Variants in SYNE1 observed in about 807,000 individuals in gnomAD.
SYNE1 encodes the protein nesprin-1.
A neutral mutation model predicts 1,111.0 loss-of-function variants in SYNE1; 616 were observed. The ratio of observed to expected loss-of-function variants is 0.55; its 90% CI spans 0.52 to 0.59. The LOEUF (loss-of-function observed/expected upper bound fraction) is 0.59. Ranked by LOEUF, SYNE1 falls within the 20% of genes least tolerant of loss-of-function variation. SYNE1 has a pLI of 0.00. For synonymous variants in SYNE1, 3,855 were observed against 3,825.8 expected (o/e 1.01, Z -0.28); for missense variants, 10,006 against 10,417.0 (o/e 0.96, Z 1.72).
intron 5 of SYNE1, among the ~76,000 whole-genome samples, chr6:152,524,818 A>G (rs1203185992): frequency 1.3e-5 from 2 of 152,140 alleles, no homozygotes; most frequent in Admixed American, 1.3e-4. Context: ...ACTCTATAAG[A>G]CATGTGTAAA....
intron 93 of SYNE1, 40 bp from the exon 94 acceptor site, chr6:152,294,167 CAA>C: frequency 3.1e-6 from 5 of 1,606,790 alleles, no homozygotes; most frequent in Non-Finnish European, 4.2e-6. Flanking sequence ...AACAAAAAGA[CAA>C]AGTCTAGATT....
At chr6:152,428,709 A>G (rs543110687) in intron 36 of SYNE1, among the ~76,000 whole-genome samples, 1 of 152,300 alleles carries the variant, frequency 6.6e-6, no homozygotes, top group South Asian at 2.1e-4. Context: ...ACTTTTACAA[A>G]TTATATGAAT....
intron 130 of SYNE1, among the ~76,000 whole-genome samples, chr6:152,164,614 A>G (rs879197269): frequency 6.6e-6 from 1 of 152,176 alleles, no homozygotes; most frequent in Admixed American, 6.6e-5. Flanking sequence ...GAAGTTTGGG[A>G]AGAACCACAG....
rs2081018426 is a variant in SYNE1, at chr6:152,224,581, G to A, written c.21435C>T (p.Tyr7145=). 1 of 1,613,848 alleles carries A rather than the reference G, an allele frequency of 6.2e-7. No individual in the cohort carries two copies. Among genetic ancestry groups the A allele is most frequent in the Admixed American group, 1.7e-5 (1 of 59,976 alleles). Residue 7145 remains tyrosine, a synonymous_variant, in exon 117 of 146, where the codon TAC becomes TAT. Coordinates refer to ENST00000367255, the MANE Select transcript of SYNE1 (RefSeq NM_182961.4). ...AAAGAGAGTATCTGGCCTCCATGAG[G>A]TAACTGTTTATCTTGTCAAAGGCCA... The part of the protein sequence containing the change: ...HKVAFDKINS[Y]LMEARYSLSR...
rs150539375 is a variant in SYNE1, at chr6:152,202,166, G to A, written c.23020-217C>T. Among the ~76,000 whole-genome samples, 1,096 of 151,986 alleles carry A rather than the reference G, an allele frequency of 7.2e-3. 20 individuals are homozygous for A. Among genetic ancestry groups the A allele is most frequent in the African/African-American group, 0.025 (1,032 of 41,456 alleles). On this transcript the variant is annotated intron_variant, in intron 126 of 145. Coordinates refer to ENST00000367255, the MANE Select transcript of SYNE1 (RefSeq NM_182961.4). ...GTTTGTAACCAGTCTGGCCAACATG[G>A]TGAAACCTTGTCTCTACTAAAAACA...
intron 74 of SYNE1, among the ~76,000 whole-genome samples, chr6:152,340,830 C>T (rs913812888): frequency 6.6e-6 from 1 of 152,186 alleles, no homozygotes; most frequent in Non-Finnish European, 1.5e-5. Context: ...GGGTGGCAGG[C>T]AGCTATGGTG....
intron 3 of SYNE1, among the ~76,000 whole-genome samples, chr6:152,596,631 G>T (rs1326961360): frequency 6.6e-6 from 1 of 152,122 alleles, no homozygotes; most frequent in African/African-American, 2.4e-5. Context: ...TGGTGACTGG[G>T]AGTGTTCACT....
intron 100 of SYNE1, 112 bp from the exon 101 acceptor site, chr6:152,262,300 G>T: frequency 1.0e-6 from 1 of 975,540 alleles, no homozygotes; most frequent in Non-Finnish European, 1.6e-6. Context: ...GATTACCTTA[G>T]TTATTAGCTT....
rs1375616959 is a variant in SYNE1 at position 152,407,717 on chromosome 6, A to G, written c.6541-521T>C. Among the ~76,000 whole-genome samples the G allele has an allele frequency of 2.0e-5, 3 of 152,084 alleles. No individual in the cohort carries two copies. In the East Asian group the frequency reaches 5.8e-4, roughly 29 times the overall value. On this transcript the variant is annotated intron_variant, in intron 44 of 145. Transcript: ENST00000367255. ...GATATGCACTAAAATCCCAAAAGCT[A>G]TAAATAAAACAAAAATAGCATGTTA...
intron 14 of SYNE1, 89 bp from the exon 15 acceptor site, chr6:152,472,502 C>A: frequency 8.5e-7 from 1 of 1,176,694 alleles, no homozygotes; most frequent in Non-Finnish European, 1.2e-6. Context: ...ACCGATGAGT[C>A]AATGTATTCA....
Position 152,628,335 on chromosome 6 carries a change from C to G in SYNE1, c.-4G>C. 1.2e-6 allele frequency: 2 copies of G among 1,614,124 alleles called. No homozygotes were observed. The highest frequency in any genetic ancestry group is 2.2e-5 in the South Asian group (2 of 91,080). On this transcript the variant is annotated 5_prime_UTR_variant, in exon 3 of 146. Transcript: ENST00000367255. ...AGGCCCCTCTGGAGGTTGCCATGGT[C>G]CCTCCGGAAGCACGAAGCCAACACC...
rs148104931 is a variant in SYNE1, at chr6:152,135,328, G to A, written c.25660-96C>T. ...ACTGCCACCATTAGCAAACATACTT[G>A]GTTTTAAGAACATACATGCAACTCC... On this transcript the variant is annotated intron_variant, in intron 141 of 145. Transcript: ENST00000367255. 5.8e-3 allele frequency: 8,201 copies of A among 1,422,334 alleles called. 703 individuals are homozygous for A. In the Admixed American group the frequency reaches 0.15, roughly 26 times the overall value. 88.1% of individuals were successfully genotyped at this position (1,422,334 alleles called of 1,614,324 possible). A position where few individuals can be genotyped will look rare whatever the true frequency, so the allele number is the denominator to read the frequency against.
rs374920269 is a variant in SYNE1 at position 152,139,937 on chromosome 6, A to G, written c.25458+13T>C. 23 of 1,612,594 alleles carry G rather than the reference A, an allele frequency of 1.4e-5. No individual in the cohort carries two copies. In the African/African-American group the frequency reaches 3.1e-4, roughly 22 times the overall value. ...TCTGTTTGTCCGCCGTGGGAAAGGC[A>G]AGGGGCAGCTACCTTGAGCTTTTTG... On this transcript the variant is annotated intron_variant, in intron 140 of 145. Transcript: ENST00000367255.
At position 152,233,832 on chromosome 6, in the gene SYNE1, C is replaced by G; in HGVS notation, c.20661G>C (p.Gln6887His). ...GGATATTGGTTAGCAGGTCAGTCCA[C>G]TGGCTATCAATGCGCGACAGCTCAG... is the stretch of plus-strand genomic sequence containing the variant. ...LRSELSRIDS[Q>H]WTDLLTNIPA... The change falls in exon 112 of 146, where the codon CAG (glutamine) becomes CAC (histidine). Residue 6887 changes from glutamine (Q) to histidine (H), a missense_variant. Transcript: ENST00000367255. 6.2e-7 allele frequency: 1 copy of G among 1,614,204 alleles called. No homozygotes were observed. The highest frequency in any genetic ancestry group is 8.5e-7 in the Non-Finnish European group (1 of 1,180,042).
At chr6:152,304,252 T>C (rs1358801170) in intron 91 of SYNE1, among the ~76,000 whole-genome samples, 1 of 152,246 alleles carries the variant, frequency 6.6e-6, no homozygotes, top group Non-Finnish European at 1.5e-5. Flanking sequence ...AGCAGATTAC[T>C]GGACTCCTTG....
At chr6:152,289,967 C>G (rs553308642) in intron 95 of SYNE1, among the ~76,000 whole-genome samples, 8 of 146,982 alleles carry the variant, frequency 5.4e-5, no homozygotes, top group East Asian at 4.0e-4. Context: ...ACCTGGTATT[C>G]CTGGGCAGTC....
At chr6:152,327,152 G>T (rs1271839170) in intron 78 of SYNE1, among the ~76,000 whole-genome samples, 1 of 152,104 alleles carries the variant, frequency 6.6e-6, no homozygotes, top group African/African-American at 2.4e-5. Flanking sequence ...AATTAGCTGA[G>T]TGTGGTGGCA....
chr6:152,283,111 G>A (rs2094128605), intron 96 of SYNE1, among the ~76,000 whole-genome samples: 1 of 152,142 alleles, frequency 6.6e-6, no homozygotes, highest in East Asian at 1.9e-4. Flanking sequence ...TAGCCTAGAA[G>A]CTTAGGGCCA....
intron 92 of SYNE1, among the ~76,000 whole-genome samples, chr6:152,301,164 T>C (rs1418135242): frequency 2.6e-5 from 4 of 152,248 alleles, no homozygotes; most frequent in East Asian, 1.9e-4. Context: ...GTTTCAAATA[T>C]GGTAGGAAGA....
Sources: gnomAD v4.1 joint callset for allele counts (sites outside exome capture counted in the v4.1 genomes callset) on GRCh38, gnomAD v4.1.1 for gene constraint, MANE v1.5 for transcripts, NCBI Gene and HGNC (gene_info 2026-07-23, HGNC 2026-07-21) for gene names.